The following CYP11A1 variants were observed in gnomAD, a reference collection of about 807,000 sequenced individuals.
The protein encoded by CYP11A1 is cytochrome P450 family 11 subfamily A member 1.
In CYP11A1, 25 loss-of-function variants were observed where a neutral mutation model predicts 51.9. That is an observed-to-expected ratio of 0.48 (90% CI 0.35 to 0.67). The LOEUF is 0.67. Among genes scored for constraint, CYP11A1 ranks in the 30% least tolerant of loss-of-function variants. The probability of loss-of-function intolerance (pLI) is 0.00; values close to 1 mark genes in which losing one functional copy is unlikely to be tolerated. For missense variants in CYP11A1, 578 were observed against 680.9 expected, an observed-to-expected ratio of 0.85 and a Z score of 1.68; for synonymous variants, 245 against 262.1, an observed-to-expected ratio of 0.93 and a Z score of 0.63.
At chr15:74,362,492 A>ATGAT in intron 1 of CYP11A1, 63 of 154,802 alleles carry the variant, frequency 4.1e-4, no homozygotes, top group South Asian at 1.4e-3. Flanking sequence ...ATCTGCTGGA[A>ATGAT]ACATCAGAGA....
chr15:74,353,646 A>T (rs1020478645), intron 1 of CYP11A1, among the ~76,000 whole-genome samples: 1 of 152,194 alleles, frequency 6.6e-6, no homozygotes, highest in African/African-American at 2.4e-5. Flanking sequence ...TGGGGGCCCT[A>T]TGTAACACTG....
chr15:74,366,299 T>TTTTTTTTTTTTG (rs2060732931), intron 1 of CYP11A1: 1 of 785,446 alleles, frequency 1.3e-6, no homozygotes, highest in African/African-American at 2.0e-5. Context: ...TTTTTTTTTT[T>TTTTTTTTTTTTG]GAGACAGAGT....
At position 74,338,690 on chromosome 15, in the gene CYP11A1, G is replaced by A. The variant is rs755975808; in HGVS notation, c.1315C>T (p.Arg439Ter). 5.0e-6 allele frequency: 8 copies of A among 1,614,062 alleles called. No individual in the cohort carries two copies. Among genetic ancestry groups the A allele is most frequent in the East Asian group, 2.2e-5 (1 of 44,898 alleles). Reference sequence around the variant, plus strand: ...ATGTTCTTGTCTTTGCTCAGCCATCGGGTTGGGTCAAAATTTTCCGGGTCG... The same window carrying A: ...ATGTTCTTGTCTTTGCTCAGCCATCAGGTTGGGTCAAAATTTTCCGGGTCG... ...FFDPENFDPT[R>*]WLSKDKNITY... Residue 439 changes from arginine to a stop codon, truncating the protein, a stop_gained, in exon 8 of 9, where the codon CGA becomes TGA. Coordinates refer to ENST00000268053, the MANE Select transcript of CYP11A1 (RefSeq NM_000781.3). LOFTEE classifies it high-confidence loss of function.
chr15:74,350,204 G>A, intron 1 of CYP11A1: 1 of 313,468 alleles, frequency 3.2e-6, no homozygotes, highest in Admixed American at 4.6e-5. Context: ...GGAATTGATT[G>A]TATCTGACTT....
chr15:74,357,370 T>C (rs2060685051), intron 1 of CYP11A1, among the ~76,000 whole-genome samples: 1 of 152,096 alleles, frequency 6.6e-6, no homozygotes, highest in Non-Finnish European at 1.5e-5. Context: ...ACATAATTCT[T>C]CATGAAAACA....
rs780122667 is a variant in CYP11A1, at chr15:74,343,918, T to C, written c.700A>G (p.Ile234Val). The change falls in exon 4 of 9, where the codon ATT becomes GTT. Residue 234 changes from isoleucine (I) to valine (V), a missense_variant. Transcript: ENST00000268053. ...TGGAACATCTGGTAGATGGCATCAATGAATCGCTGGGCCTCGGGGTTCACT... is the reference window on the plus strand; with the variant it reads ...TGGAACATCTGGTAGATGGCATCAACGAATCGCTGGGCCTCGGGGTTCACT... ...EVVNPEAQRF[I>V]DAIYQMFHTS... 2 of 1,614,120 alleles carry C rather than the reference T, an allele frequency of 1.2e-6. No individual in the cohort carries two copies. Among genetic ancestry groups the C allele is most frequent in the South Asian group, 2.2e-5 (2 of 91,084 alleles).
rs2060739517 is a variant in CYP11A1 at position 74,367,433 on chromosome 15, G to T, written c.153C>A (p.Ile51=). Residue 51 remains isoleucine (I), a synonymous_variant, in exon 1 of 9, where the codon ATC becomes ATA. Coordinates refer to ENST00000268053, the MANE Select transcript of CYP11A1 (RefSeq NM_000781.3). The part of the protein sequence containing the change: ...STRSPRPFNE[I]PSPGDNGWLN... ...GCCAGCCATTGTCACCAGGAGAGGG[G>T]ATCTCATTGAAGGGGCGAGGACTGC... is the stretch of plus-strand genomic sequence containing the variant. The T allele has an allele frequency of 1.9e-6, 3 of 1,614,236 alleles. No homozygotes were observed. The highest frequency in any genetic ancestry group is 1.3e-5 in the African/African-American group (1 of 75,048).
intron 5 of CYP11A1, among the ~76,000 whole-genome samples, chr15:74,341,246 A>C (rs1429127261): frequency 6.6e-6 from 1 of 152,200 alleles, no homozygotes; most frequent in Non-Finnish European, 1.5e-5. Context: ...TGTGCTTAAT[A>C]AATGTGACCT....
chr15:74,346,168 C>G (rs2060632170), intron 2 of CYP11A1, among the ~76,000 whole-genome samples: 2 of 152,074 alleles, frequency 1.3e-5, no homozygotes, highest in Non-Finnish European at 2.9e-5. Context: ...GCCTGGCCAA[C>G]ATGGTGAAAC....
chr15:74,363,399 C>T (rs1316813482), intron 1 of CYP11A1: 1 of 152,168 alleles, frequency 6.6e-6, no homozygotes, highest in Non-Finnish European at 1.5e-5. Flanking sequence ...CACACCCAGC[C>T]AATTTTTGTA....
chr15:74,357,303 G>C (rs1223139305), intron 1 of CYP11A1, among the ~76,000 whole-genome samples: 2 of 152,104 alleles, frequency 1.3e-5, no homozygotes, highest in African/African-American at 4.8e-5. Flanking sequence ...AGTCTTCACG[G>C]ACAGGCCCCA....
At position 74,367,480 on chromosome 15, in the gene CYP11A1, C is replaced by T. The variant is rs766692053; in HGVS notation, c.106G>A (p.Glu36Lys). The T allele has an allele frequency of 2.8e-5, 45 of 1,614,098 alleles. No individual in the cohort carries two copies. The East Asian group carries it at 5.8e-4, about 21-fold the overall frequency. ...CTGCGGGTGGAGATGCCAGCTCCCT[C>T]GCCAGTGGGCACCCTGAGACGCCCC... Reference protein sequence around the residue: ...GLGRLRVPTGEGAGISTRSPR... With the variant: ...GLGRLRVPTGKGAGISTRSPR... Residue 36 changes from glutamate to lysine, a missense_variant, in exon 1 of 9, where the codon GAG becomes AAG. Physicochemically the swap from Glu to Lys is moderately conservative, Grantham distance 56. Coordinates refer to ENST00000268053, the MANE Select transcript of CYP11A1 (RefSeq NM_000781.3).
chr15:74,350,928 CA>C (rs1284756587), intron 1 of CYP11A1: 7 of 152,256 alleles, frequency 4.6e-5, no homozygotes, highest in African/African-American at 1.7e-4. Context: ...GCCAGCCAGC[CA>C]GGAGGAAGAG....
chr15:74,363,567 A>G (rs2060718373), intron 1 of CYP11A1: 1 of 152,188 alleles, frequency 6.6e-6, no homozygotes, highest in Non-Finnish European at 1.5e-5. Context: ...TTGGGTAAGG[A>G]GTATACTCCC....
chr15:74,365,981 G>T, intron 1 of CYP11A1: 1 of 983,506 alleles, frequency 1.0e-6, no homozygotes, highest in South Asian at 4.5e-5. Context: ...TAGGACCTGC[G>T]GTGGGGCCGC....
At chr15:74,339,101 C>T in intron 7 of CYP11A1, 136 bp downstream of exon 7, 1 of 782,458 alleles carries the variant, frequency 1.3e-6, no homozygotes, top group Non-Finnish European at 2.2e-6. Context: ...TGCCCACCAC[C>T]TCTGCCCTTC....
chr15:74,337,871 A>G lies in CYP11A1; in HGVS notation c.*101T>C. On this transcript the variant is annotated 3_prime_UTR_variant, in exon 9 of 9. Coordinates refer to ENST00000268053, the MANE Select transcript of CYP11A1 (RefSeq NM_000781.3). The stretch of plus-strand genomic sequence containing the variant: ...ATTCAACCTGCTGAGCAGGCTGGGC[A>G]GAAAGGAGCAGGACTTGGGACAGAC... The G allele has an allele frequency of 1.3e-6, 2 of 1,520,110 alleles. No individual in the cohort carries two copies. Among genetic ancestry groups the G allele is most frequent in the Admixed American group, 3.5e-5 (2 of 56,970 alleles). The allele number at this position is 1,520,110 out of a possible 1,614,324, so 94.2% of individuals were successfully genotyped here.
In CYP11A1 at chr15:74,338,734, C is replaced by T. The variant is rs777258935; in HGVS notation, c.1271G>A (p.Arg424Gln). ...CGGGTCGAAGAAGAAGGTGGGCTCT[C>T]GGCCCAGAGCATAGATGGCCACTTG... Reference protein sequence around the residue: ...LVQVAIYALGREPTFFFDPEN... With the variant: ...LVQVAIYALGQEPTFFFDPEN... Residue 424 changes from arginine to glutamine, a missense_variant, in exon 8 of 9, where the codon CGA (arginine) becomes CAA (glutamine). By Grantham distance (43) the Arg-to-Gln change is conservative. Coordinates refer to ENST00000268053, the MANE Select transcript of CYP11A1 (RefSeq NM_000781.3). 33 of 1,614,028 alleles carry T rather than the reference C, an allele frequency of 2.0e-5. No homozygotes were observed. The highest frequency in any genetic ancestry group is 2.0e-4 in the South Asian group (18 of 91,078).
At chr15:74,356,068 C>G (rs1355674446) in intron 1 of CYP11A1, among the ~76,000 whole-genome samples, 2 of 152,254 alleles carry the variant, frequency 1.3e-5, no homozygotes, top group African/African-American at 4.8e-5. Flanking sequence ...GACAGCAACA[C>G]ATTTCTGAGT....
Sources: allele counts gnomAD v4.1 joint callset (sites outside exome capture counted in the v4.1 genomes callset), GRCh38; gene constraint gnomAD v4.1.1; transcripts MANE v1.5; gene names NCBI Gene and HGNC (gene_info 2026-07-23, HGNC 2026-07-21).